BMP6: variants seen among roughly 807,000 people sequenced by gnomAD.
BMP6 encodes bone morphogenetic protein 6.
In BMP6, 17 loss-of-function variants were observed where a neutral mutation model predicts 54.1. That is an observed-to-expected ratio of 0.31 (90% confidence interval 0.22 to 0.47). The LOEUF is 0.47. BMP6 is among the 20% of genes least tolerant of loss of function. The pLI is 1.00. For missense variants in BMP6, 720 were observed against 690.4 expected, an observed-to-expected ratio of 1.04 and a Z score of -0.48; for synonymous variants, 328 against 291.2, an observed-to-expected ratio of 1.13 and a Z score of -1.28.
chr6:7,803,078 G>A (rs1233586008), intron 1 of BMP6, among the ~76,000 whole-genome samples: 1 of 152,200 alleles, frequency 6.6e-6, no homozygotes, highest in Non-Finnish European at 1.5e-5. Flanking sequence ...TAGGAAGGAA[G>A]CCTGCAGAGG....
intron 1 of BMP6, among the ~76,000 whole-genome samples, chr6:7,817,589 G>C (rs1391772155): frequency 1.4e-5 from 2 of 141,172 alleles, no homozygotes; most frequent in Admixed American, 1.4e-4. Flanking sequence ...TGGGGGGTGG[G>C]GGGAGGGATA....
intron 1 of BMP6, among the ~76,000 whole-genome samples, chr6:7,766,561 T>C (rs1757692026): frequency 6.6e-6 from 1 of 152,220 alleles, no homozygotes; most frequent in African/African-American, 2.4e-5. Flanking sequence ...AAGGCTGCAG[T>C]GAGCCAAGAT....
intron 1 of BMP6, among the ~76,000 whole-genome samples, chr6:7,746,822 A>G (rs951188642): frequency 1.3e-5 from 2 of 152,138 alleles, no homozygotes; most frequent in Non-Finnish European, 1.5e-5. Flanking sequence ...CCCACGGGAA[A>G]CTTCATCAGT....
chr6:7,798,618 T>C (rs1758225271), intron 1 of BMP6, among the ~76,000 whole-genome samples: 1 of 152,252 alleles, frequency 6.6e-6, no homozygotes, highest in South Asian at 2.1e-4. Flanking sequence ...CCCATTCATC[T>C]TGGGGACAAT....
At chr6:7,875,532 G>T (rs750333149) in intron 4 of BMP6, among the ~76,000 whole-genome samples, 17 of 152,042 alleles carry the variant, frequency 1.1e-4, no homozygotes, top group Non-Finnish European at 2.1e-4. Flanking sequence ...GTTAGCTTGT[G>T]GTGGCCCGTT....
intron 1 of BMP6, among the ~76,000 whole-genome samples, chr6:7,739,023 A>C (rs774959890): frequency 2.6e-5 from 4 of 152,200 alleles, no homozygotes; most frequent in Non-Finnish European, 5.9e-5. Flanking sequence ...CATGGGGTCA[A>C]ATCTTCATAG....
At chr6:7,849,111 GA>G (rs893935166) in intron 2 of BMP6, among the ~76,000 whole-genome samples, 24 of 152,290 alleles carry the variant, frequency 1.6e-4, no homozygotes, top group African/African-American at 5.8e-4. Flanking sequence ...GTACCGGAAA[GA>G]GGTAAGCAAC....
intron 1 of BMP6, among the ~76,000 whole-genome samples, chr6:7,737,608 T>G (rs1581226760): frequency 6.6e-6 from 1 of 152,090 alleles, no homozygotes; most frequent in African/African-American, 2.4e-5. Context: ...CCAGTGGATG[T>G]TAGAGTCCCT....
At chr6:7,741,090 T>A (rs372583838) in intron 1 of BMP6, among the ~76,000 whole-genome samples, 2 of 152,270 alleles carry the variant, frequency 1.3e-5, no homozygotes, top group East Asian at 1.9e-4. Context: ...GCTCTGTGAT[T>A]TTGCCTATTT....
intron 2 of BMP6, among the ~76,000 whole-genome samples, chr6:7,856,120 TAAAAAAAAAA>T (rs56264814): frequency 1.2e-5 from 1 of 83,664 alleles, no homozygotes; most frequent in Admixed American, 1.8e-4. Context: ...TCAAAGACTG[TAAAAAAAAAA>T]AAAAAAAAAA....
chr6:7,806,775 CT>C (rs1758353138), intron 1 of BMP6, among the ~76,000 whole-genome samples: 1 of 151,942 alleles, frequency 6.6e-6, no homozygotes, highest in Non-Finnish European at 1.5e-5. Flanking sequence ...AATAGCTTAT[CT>C]TGTTGAACTG....
chr6:7,743,422 A>G (rs1581229335), intron 1 of BMP6, among the ~76,000 whole-genome samples: 1 of 152,104 alleles, frequency 6.6e-6, no homozygotes, highest in Non-Finnish European at 1.5e-5. Flanking sequence ...GTAGGATGCA[A>G]TCTAACTGGG....
chr6:7,753,760 G>A (rs575621521), intron 1 of BMP6, among the ~76,000 whole-genome samples: 22 of 152,238 alleles, frequency 1.4e-4, no homozygotes, highest in Non-Finnish European at 2.1e-4. Context: ...ATAGGTTTTC[G>A]TCTAACATCA....
At chr6:7,876,327 A>AT (rs1759614522) in intron 4 of BMP6, among the ~76,000 whole-genome samples, 1 of 152,228 alleles carries the variant, frequency 6.6e-6, no homozygotes, top group South Asian at 2.1e-4. Flanking sequence ...ATGTGGCTAG[A>AT]TAAGAATTTA....
intron 1 of BMP6, among the ~76,000 whole-genome samples, chr6:7,755,187 T>C (rs1757494701): frequency 1.3e-5 from 2 of 152,230 alleles, no homozygotes; most frequent in Non-Finnish European, 2.9e-5. Context: ...AATGTGATTA[T>C]TGATGTGTCT....
intron 1 of BMP6, among the ~76,000 whole-genome samples, chr6:7,794,981 A>G (rs1171978523): frequency 1.3e-5 from 2 of 152,222 alleles, no homozygotes; most frequent in East Asian, 1.9e-4. Flanking sequence ...TCAGGATTCC[A>G]GTACTATCCA....
At chr6:7,853,283 G>GTA (rs1759174460) in intron 2 of BMP6, among the ~76,000 whole-genome samples, 1 of 152,152 alleles carries the variant, frequency 6.6e-6, no homozygotes, top group Admixed American at 6.5e-5. Context: ...AGTCTTTGAA[G>GTA]TATAGTGTGT....
At position 7,726,154 on chromosome 6, in the gene BMP6, A is replaced by G. The variant is rs1212644580; in HGVS notation, c.-802A>G. Among the ~76,000 whole-genome samples the G allele has an allele frequency of 1.3e-5, 2 of 152,154 alleles. No homozygotes were observed. The highest frequency in any genetic ancestry group is 2.9e-5 in the Non-Finnish European group (2 of 68,026). On this transcript the variant is annotated 5_prime_UTR_variant, in exon 1 of 7. Coordinates refer to ENST00000283147, the MANE Select transcript of BMP6 (RefSeq NM_001718.6). ...GCGGCGTGGAGAGGCGGGAGACCGA[A>G]TTCCGGCGCCGCCGCCGCGGCCGCT...
intron 2 of BMP6, among the ~76,000 whole-genome samples, chr6:7,860,566 T>C (rs1472407336): frequency 6.6e-6 from 1 of 152,180 alleles, no homozygotes; most frequent in African/African-American, 2.4e-5. Flanking sequence ...TTCAAAACTG[T>C]GAAAAAGTCA....
Sources: gnomAD v4.1 joint callset for allele counts (sites outside exome capture counted in the v4.1 genomes callset) on GRCh38, gnomAD v4.1.1 for gene constraint, MANE v1.5 for transcripts, NCBI Gene and HGNC (gene_info 2026-07-23, HGNC 2026-07-21) for gene names.